The following TYMP variants were observed in gnomAD, a reference collection of about 807,000 sequenced individuals.
The protein encoded by TYMP is thymidine phosphorylase.
In TYMP, 46 loss-of-function variants were observed where a neutral mutation model predicts 42.3. That is an observed-to-expected ratio of 1.09 (90% CI 0.86 to 1.39). TYMP has a LOEUF of 1.39. TYMP is among the 40% of genes most tolerant of loss of function. The pLI is 0.00. For synonymous variants in TYMP, 363 were observed against 308.0 expected, an observed-to-expected ratio of 1.18 and a Z score of -1.87; for missense variants, 837 against 677.6, an observed-to-expected ratio of 1.24 and a Z score of -2.61.
At chr22:50,527,070 C>T (rs2069415909) in intron 6 of TYMP, 95 bp downstream of exon 6, 6 of 1,020,704 alleles carry the variant, frequency 5.9e-6, no homozygotes, top group Middle Eastern at 3.0e-4. Context: ...TTAGGCAGGA[C>T]TGCTGAGTGG....
Position 50,527,612 on chromosome 22 carries a change from C to T in TYMP, c.622G>A (p.Val208Met), listed in dbSNP as rs121913039. The T allele has an allele frequency of 4.4e-4, 712 of 1,613,832 alleles. No individual in the cohort carries two copies. The highest frequency in any genetic ancestry group is 5.8e-4 in the Non-Finnish European group (682 of 1,180,026). The change falls in exon 5 of 10, where the codon GTG becomes ATG. Residue 208 changes from valine (V) to methionine (M), a missense_variant. Coordinates refer to ENST00000252029, the MANE Select transcript of TYMP (RefSeq NM_001953.5). Reference sequence around the variant, plus strand: ...CCTGTGATGAGTGGCAGGCTGTCCACGGTGGCTGTCACATCTCTGGCTGCA... The same window carrying T: ...CCTGTGATGAGTGGCAGGCTGTCCATGGTGGCTGTCACATCTCTGGCTGCA... ...LYAARDVTATVDSLPLITASI... is the reference protein window; with the variant it reads ...LYAARDVTATMDSLPLITASI...
chr22:50,528,622 G>A lies in TYMP; in HGVS notation c.418-12C>T. On this transcript the variant is annotated splice_polypyrimidine_tract_variant and intron_variant, in intron 3 of 9. Transcript: ENST00000252029. The stretch of plus-strand genomic sequence containing the variant: ...CTGATCATTGGCACCTGGTGGTCAG[G>A]GATGCTGAGTACCCTGCACAGTACC... The A allele has an allele frequency of 6.2e-7, 1 of 1,604,418 alleles. No homozygotes were observed. The highest frequency in any genetic ancestry group is 8.5e-7 in the Non-Finnish European group (1 of 1,172,044).
At chr22:50,529,773 G>A in intron 1 of TYMP, 54 bp from the exon 2 acceptor site, 4 of 1,489,058 alleles carry the variant, frequency 2.7e-6, no homozygotes, top group Non-Finnish European at 3.7e-6. Flanking sequence ...GTCGGTGTCT[G>A]AGCCACGTGC....
At chr22:50,530,015 C>T (rs958177722), upstream of TYMP, 3 of 364,984 alleles carry the variant, frequency 8.2e-6, no homozygotes, top group East Asian at 4.4e-5. Flanking sequence ...GGTCCACTGC[C>T]GGCGGCGGGG....
Position 50,529,312 on chromosome 22 carries a change from G to T in TYMP, c.241C>A (p.Arg81=). The change falls in exon 3 of 10, where the codon CGG becomes AGG. Residue 81 remains arginine (R), a synonymous_variant. Coordinates refer to ENST00000252029, the MANE Select transcript of TYMP (RefSeq NM_001953.5). Reference sequence around the variant, plus strand: ...GAGGTCTCCTCCAGATCCATGCCCCGAAGTCGGATGGCCATCAGCATGGCC... The same window carrying T: ...GAGGTCTCCTCCAGATCCATGCCCCTAAGTCGGATGGCCATCAGCATGGCC... ...IGAMLMAIRL[R]GMDLEETSVL... 6.2e-7 allele frequency: 1 copy of T among 1,613,384 alleles called. No individual in the cohort carries two copies. Among genetic ancestry groups the T allele is most frequent in the African/African-American group, 1.3e-5 (1 of 75,042 alleles).
Position 50,529,703 on chromosome 22 carries a change from C to T in TYMP, c.7G>A (p.Ala3Thr). The part of the protein sequence containing the change: MA[A>T]LMTPGTGAPP... Reference sequence around the variant, plus strand: ...GCCCCGGTTCCCGGGGTCATCAAGGCTGCCATCGCTCCGGGCCTGCGGGGA... The same window carrying T: ...GCCCCGGTTCCCGGGGTCATCAAGGTTGCCATCGCTCCGGGCCTGCGGGGA... The change falls in exon 2 of 10, where the codon GCC becomes ACC. Residue 3 changes from alanine (A) to threonine (T), a missense_variant. By Grantham distance (58) the Ala-to-Thr change is moderately conservative (BLOSUM62 0). Transcript: ENST00000252029. The T allele has an allele frequency of 6.2e-7, 1 of 1,610,098 alleles. No individual in the cohort carries two copies. The highest frequency in any genetic ancestry group is 8.5e-7 in the Non-Finnish European group (1 of 1,178,970).
chr22:50,526,224 C>A (rs752587696), intron 8 of TYMP, 22 bp downstream of exon 8: 2 of 1,516,112 alleles, frequency 1.3e-6, no homozygotes, highest in African/African-American at 1.4e-5. Flanking sequence ...GGCGGAAGGA[C>A]GGGGACTCCC....
chr22:50,526,253 G>A lies in TYMP; in HGVS notation c.1152C>T (p.Pro384=), dbSNP rs2148677562. ...GACTCCCCCGACGCTCACCATCTGCGGGCGCCAGCAGCTCCTCCTGCTCCC... is the reference window on the plus strand; with the variant it reads ...GACTCCCCCGACGCTCACCATCTGCAGGCGCCAGCAGCTCCTCCTGCTCCC... The part of the protein sequence containing the change: ...RAREQEELLA[P]ADGTVELVRA... Residue 384 remains proline (P), a synonymous_variant, in exon 8 of 10, where the codon CCC becomes CCT. Coordinates refer to ENST00000252029, the MANE Select transcript of TYMP (RefSeq NM_001953.5). 1.3e-6 allele frequency: 2 copies of A among 1,535,846 alleles called. No homozygotes were observed. The highest frequency in any genetic ancestry group is 1.7e-6 in the Non-Finnish European group (2 of 1,151,308).
In TYMP at chr22:50,529,493, C is replaced by G; in HGVS notation, c.214+3G>C. The G allele has an allele frequency of 6.2e-7, 1 of 1,612,506 alleles. No individual in the cohort carries two copies. Among genetic ancestry groups the G allele is most frequent in the Non-Finnish European group, 8.5e-7 (1 of 1,179,878 alleles). ...TCAGGAACGCCCAACCCTCCCCACGCACCGATCTGTGCGCCCTGCGCGCTC... is the reference window on the plus strand; with the variant it reads ...TCAGGAACGCCCAACCCTCCCCACGGACCGATCTGTGCGCCCTGCGCGCTC... On this transcript the variant is annotated splice_donor_region_variant and intron_variant, in intron 2 of 9. Coordinates refer to ENST00000252029, the MANE Select transcript of TYMP (RefSeq NM_001953.5).
chr22:50,527,075 G>A (rs2069416070), intron 6 of TYMP, 90 bp downstream of exon 6: 1 of 1,056,174 alleles, frequency 9.5e-7, no homozygotes, highest in Non-Finnish European at 1.5e-6. Flanking sequence ...CAGGACTGCT[G>A]AGTGGAGGGA....
In TYMP at chr22:50,529,667, G is replaced by A. The variant is rs1191066227; in HGVS notation, c.43C>T (p.Pro15Ser). 1.2e-6 allele frequency: 2 copies of A among 1,612,092 alleles called. No individual in the cohort carries two copies. The highest frequency in any genetic ancestry group is 1.7e-5 in the Admixed American group (1 of 59,938). The change falls in exon 2 of 10, where the codon CCT (proline) becomes TCT (serine). Residue 15 changes from proline to serine, a missense_variant. Transcript: ENST00000252029. ...CTCCCTTCCCCGGAGAAGTCACCAG[G>A]CGCGGGTGGGGCCCCGGTTCCCGGG... ...MTPGTGAPPA[P>S]GDFSGEGSQG...
At position 50,527,735 on chromosome 22, in the gene TYMP, G is replaced by A. The variant is rs1233724326; in HGVS notation, c.517-18C>T. On this transcript the variant is annotated intron_variant, in intron 4 of 9. Transcript: ENST00000252029. The stretch of plus-strand genomic sequence containing the variant: ...ACTTGCATCTGGTCAGACATCCCCT[G>A]TTCTCAGTGACTTATGGTAAATGAC... 51 of 1,561,712 alleles carry A rather than the reference G, an allele frequency of 3.3e-5. No homozygotes were observed. Among genetic ancestry groups the A allele is most frequent in the Non-Finnish European group, 4.4e-5 (50 of 1,140,742 alleles).
chr22:50,529,377 G>A (rs769036268), intron 2 of TYMP, 39 bp from the exon 3 acceptor site: 5 of 1,609,818 alleles, frequency 3.1e-6, no homozygotes, highest in Non-Finnish European at 3.4e-6. Context: ...GCAGCCCACA[G>A]CGGTGGGGCA....
In TYMP at chr22:50,529,424, C is replaced by T. The variant is rs991679968; in HGVS notation, c.214+72G>A. ...GTGCTGGTAGTGGGGCACCGTCGCA[C>T]CCCCAGGGACCCAAAGTCTCTCGGG... On this transcript the variant is annotated intron_variant, in intron 2 of 9. Transcript: ENST00000252029. 67 of 1,603,708 alleles carry T rather than the reference C, an allele frequency of 4.2e-5. 1 individual carries two copies. In the Middle Eastern group the frequency reaches 6.6e-4, roughly 16 times the overall value.
intron 3 of TYMP, 42 bp from the exon 4 acceptor site, chr22:50,528,652 C>T (rs374350976): frequency 6.1e-6 from 9 of 1,478,966 alleles, no homozygotes; most frequent in East Asian, 2.3e-5. Flanking sequence ...AGTACCCCTC[C>T]CCCACCTCTG....
chr22:50,529,553 C>T lies in TYMP; in HGVS notation c.157G>A (p.Asp53Asn). Residue 53 changes from aspartate to asparagine, a missense_variant, in exon 2 of 10, where the codon GAC (aspartate) becomes AAC (asparagine). Transcript: ENST00000252029. ...ACAGCGGCCACGAAGCCCCTGATGT[C>T]CGCTTCGCTCAGGCGGCCTCCGTCT... Reference protein sequence around the residue: ...KRDGGRLSEADIRGFVAAVVN... With the variant: ...KRDGGRLSEANIRGFVAAVVN... 6.2e-7 allele frequency: 1 copy of T among 1,613,164 alleles called. No individual in the cohort carries two copies. Among genetic ancestry groups the T allele is most frequent in the Non-Finnish European group, 8.5e-7 (1 of 1,179,946 alleles).
intron 4 of TYMP, 122 bp downstream of exon 4, chr22:50,528,390 T>C (rs1051057457): frequency 1.6e-5 from 14 of 870,002 alleles, no homozygotes; most frequent in Middle Eastern, 2.2e-4. Context: ...CAGTGACTCA[T>C]GAGTAACCTT....
chr22:50,526,715 C>T lies in TYMP; in HGVS notation c.789G>A (p.Gly263=), dbSNP rs993697938. 4.2e-5 allele frequency: 64 copies of T among 1,538,532 alleles called. No homozygotes were observed. Among genetic ancestry groups the T allele is most frequent in the Non-Finnish European group, 5.3e-5 (61 of 1,147,146 alleles). ...CGGTCAGCGCTGCCGCGACCCGAAG[C>T]CCTAGGCTGGCTCCCACGCCAACCT... ...KTLVGVGASL[G]LRVAAALTAM... is the part of the protein sequence containing the mutation. The change falls in exon 7 of 10, where the codon GGG becomes GGA. Residue 263 remains glycine, a synonymous_variant. Transcript: ENST00000252029.
rs1061205 is a variant in TYMP at position 50,525,818 on chromosome 22, G to A, written c.1401C>T (p.Phe467=). ...GCTCTGCGAAGGGCGAGGGGGCGGC[G>A]AATGGCGCGCGGTCGGAGAGTACGA... The part of the protein sequence containing the change: ...EALVLSDRAP[F]AAPSPFAELV... Residue 467 remains phenylalanine, a synonymous_variant, in exon 10 of 10, where the codon TTC becomes TTT. Coordinates refer to ENST00000252029, the MANE Select transcript of TYMP (RefSeq NM_001953.5). 8.1e-5 allele frequency: 130 copies of A among 1,610,338 alleles called. No individual in the cohort carries two copies. The highest frequency in any genetic ancestry group is 9.6e-5 in the Non-Finnish European group (113 of 1,178,872).
Sources: gnomAD v4.1 joint callset for allele counts on GRCh38, gnomAD v4.1.1 for gene constraint, MANE v1.5 for transcripts, NCBI Gene and HGNC (gene_info 2026-07-23, HGNC 2026-07-21) for gene names.